Variants in TMPO observed in about 807,000 individuals in gnomAD.
The protein encoded by TMPO is LEM domain containing 4.
In TMPO, 22 loss-of-function variants were observed where a neutral mutation model predicts 45.4. The observed-to-expected ratio is 0.48, with a 90% CI of 0.35 to 0.69. TMPO has a LOEUF of 0.69. Among genes scored for constraint, TMPO ranks in the 30% least tolerant of loss-of-function variants. The pLI is 0.01. For missense variants in TMPO, 512 were observed against 548.8 expected (o/e 0.93, Z 0.67); for synonymous variants, 241 against 204.1 (o/e 1.18, Z -1.54).
intron 1 of TMPO, among the ~76,000 whole-genome samples, chr12:98,522,542 A>G (rs973402588): frequency 6.6e-6 from 1 of 152,202 alleles, no homozygotes; most frequent in Admixed American, 6.5e-5. Flanking sequence ...TTTCACCTGA[A>G]ATAGAGGAAT....
At chr12:98,534,329 GA>G (rs1315544357) in intron 3 of TMPO, 8 of 1,612,286 alleles carry the variant, frequency 5.0e-6, no homozygotes, top group Non-Finnish European at 6.8e-6. Flanking sequence ...AAAAAGCGTG[GA>G]AATAAACACT....
chr12:98,521,100 A>T (rs7973051), intron 1 of TMPO, among the ~76,000 whole-genome samples: 1,552 of 76,810 alleles, frequency 0.02, 129 homozygotes, highest in African/African-American at 0.072. Flanking sequence ...TTTATGAGGA[A>T]TTTTTTTTTT....
At chr12:98,530,186 A>C (rs1462283663) in intron 2 of TMPO, among the ~76,000 whole-genome samples, 1 of 152,112 alleles carries the variant, frequency 6.6e-6, no homozygotes, top group Admixed American at 6.6e-5. Flanking sequence ...TAAAAAAAAA[A>C]AAGTAGCCAG....
chr12:98,541,669 A>G (rs750905097), intron 4 of TMPO, among the ~76,000 whole-genome samples: 4 of 152,146 alleles, frequency 2.6e-5, no homozygotes, highest in Non-Finnish European at 4.4e-5. Flanking sequence ...TTTGTTCTCT[A>G]ATGCTAGGAT....
intron 1 of TMPO, among the ~76,000 whole-genome samples, chr12:98,519,826 AATTT>A (rs1340659144): frequency 6.6e-6 from 1 of 152,208 alleles, no homozygotes; most frequent in Non-Finnish European, 1.5e-5. Flanking sequence ...CAGGAAAAGA[AATTT>A]ATAATAATTT....
rs979188561 is a variant in TMPO at position 98,539,105 on chromosome 12, C to G, written c.663+1533C>G. 2.0e-5 allele frequency among the ~76,000 whole-genome samples: 3 copies of G among 152,024 alleles called. No individual in the cohort carries two copies. In the South Asian group the frequency reaches 6.2e-4, roughly 32 times the overall value. On this transcript the variant is annotated intron_variant, in intron 4 of 8. Coordinates refer to ENST00000556029, the MANE Select transcript of TMPO (RefSeq NM_001032283.3). ...ATCCTAGCTACTCCGGAGGCTGAGG[C>G]AGGAGAATCGCTTGAACCTTGGAGG...
intron 1 of TMPO, among the ~76,000 whole-genome samples, chr12:98,522,791 C>T (rs1876466422): frequency 6.6e-6 from 1 of 152,232 alleles, no homozygotes; most frequent in Non-Finnish European, 1.5e-5. Flanking sequence ...GCTTGAACCT[C>T]AGTTTTCTGA....
At position 98,544,276 on chromosome 12, in the gene TMPO, C is replaced by T; in HGVS notation, c.710C>T (p.Ser237Phe). 6.2e-7 allele frequency: 1 copy of T among 1,613,912 alleles called. No homozygotes were observed. Among genetic ancestry groups the T allele is most frequent in the East Asian group, 2.2e-5 (1 of 44,850 alleles). ...GITETEWTSG[S>F]SKGGPLQALT... ...ACTGAGACTGAATGGACAAGTGGATCTTCAAAAGGCGGACCTCTGCAGGCA... is the reference window on the plus strand; with the variant it reads ...ACTGAGACTGAATGGACAAGTGGATTTTCAAAAGGCGGACCTCTGCAGGCA... The change falls in exon 5 of 9, where the codon TCT (serine) becomes TTT (phenylalanine). Residue 237 changes from serine (S) to phenylalanine (F), a missense_variant. By Grantham distance (155) the Ser-to-Phe change is radical. This residue lies in a region of TMPO where 299 missense variants were observed against 296.7 expected (regional missense o/e 1.01). Coordinates refer to ENST00000556029, the MANE Select transcript of TMPO (RefSeq NM_001032283.3).
chr12:98,547,430 C>T lies in TMPO; in HGVS notation c.1080-143C>T, dbSNP rs368465721. On this transcript the variant is annotated intron_variant, in intron 8 of 8. Transcript: ENST00000556029. ...AAGTTTTAAATAGGTTGACTGACCT[C>T]ACTGCTTTATATGTATCAATTTTCT... The T allele has an allele frequency of 5.2e-6, 5 of 953,306 alleles. No individual in the cohort carries two copies. The African/African-American group carries it at 8.3e-5, about 16-fold the overall frequency. The allele number at this position is 953,306 out of a possible 1,614,324, so 59.1% of individuals were successfully genotyped here.
chr12:98,531,293 G>A (rs1877175225), intron 2 of TMPO, among the ~76,000 whole-genome samples: 1 of 142,806 alleles, frequency 7.0e-6, no homozygotes, highest in Non-Finnish European at 1.5e-5. Flanking sequence ...CAGCTGGACA[G>A]TGGTGCGATC....
chr12:98,536,220 C>G (rs1441028523), intron 3 of TMPO, among the ~76,000 whole-genome samples: 1 of 152,142 alleles, frequency 6.6e-6, no homozygotes, highest in Non-Finnish European at 1.5e-5. Context: ...GTTCAGAGTT[C>G]ATGTAAAACT....
At chr12:98,536,787 G>A (rs898216034) in intron 3 of TMPO, among the ~76,000 whole-genome samples, 1 of 152,190 alleles carries the variant, frequency 6.6e-6, no homozygotes, top group Non-Finnish European at 1.5e-5. Context: ...CTATCATGGT[G>A]ACAAGTGTAT....
intron 1 of TMPO, chr12:98,516,602 C>T (rs1023335532): frequency 9.5e-6 from 9 of 948,712 alleles, no homozygotes; most frequent in African/African-American, 1.8e-5. Context: ...CAACTGATGA[C>T]ACTCTAATTT....
At chr12:98,535,784 G>A (rs1411126185) in intron 3 of TMPO, 6 of 574,718 alleles carry the variant, frequency 1.0e-5, no homozygotes, top group Non-Finnish European at 1.3e-5. Context: ...TTCTGATTAT[G>A]GTATGGTTTT....
At chr12:98,532,534 GTTTAAATATT>G (rs1877264944) in intron 3 of TMPO, among the ~76,000 whole-genome samples, 1 of 152,060 alleles carries the variant, frequency 6.6e-6, no homozygotes, top group South Asian at 2.1e-4. Flanking sequence ...TGATCATGAT[GTTTAAATATT>G]TTTTAAGGAT....
rs570200451 is a variant in TMPO at position 98,549,996 on chromosome 12, A to G, written c.*2138A>G. The G allele has an allele frequency of 1.1e-4, 17 of 152,350 alleles. No homozygotes were observed. Among genetic ancestry groups the G allele is most frequent in the African/African-American group, 4.1e-4 (17 of 41,586 alleles). 9.4% of individuals were successfully genotyped at this position (152,350 alleles called of 1,614,324 possible). ...TCTTTGTTTTGAAACTTTGTTTCCC[A>G]TACTGTTTTCAGCCTTTTGTTTATA... On this transcript the variant is annotated 3_prime_UTR_variant, in exon 9 of 9. Coordinates refer to ENST00000556029, the MANE Select transcript of TMPO (RefSeq NM_001032283.3).
At chr12:98,534,688 T>C (rs1877462101) in intron 3 of TMPO, 4 of 1,106,076 alleles carry the variant, frequency 3.6e-6, no homozygotes, top group South Asian at 2.4e-5. Context: ...AATAGAATAA[T>C]ATGCATCCTC....
chr12:98,527,701 A>G, intron 1 of TMPO, 185 bp from the exon 2 acceptor site: 1 of 624,718 alleles, frequency 1.6e-6, no homozygotes, highest in Non-Finnish European at 2.8e-6. Context: ...GGTTTGTATG[A>G]TTACAGTTCA....
chr12:98,546,080 G>A (rs1878212584), intron 7 of TMPO, among the ~76,000 whole-genome samples: 1 of 152,154 alleles, frequency 6.6e-6, no homozygotes, highest in African/African-American at 2.4e-5. Context: ...GAGGGAATTA[G>A]CATTGCCATG....
Sources: gnomAD v4.1 joint callset for allele counts (sites outside exome capture counted in the v4.1 genomes callset) on GRCh38, gnomAD v4.1.1 for gene constraint, gnomAD v4.1.1 regional missense constraint, MANE v1.5 for transcripts, NCBI Gene and HGNC (gene_info 2026-07-23, HGNC 2026-07-21) for gene names.